VAMP7: variants seen among roughly 807,000 people sequenced by gnomAD.
The protein encoded by VAMP7 is vesicle-associated membrane protein 7.
In VAMP7, 14 loss-of-function variants were observed where a neutral mutation model predicts 29.6. The ratio of observed to expected loss-of-function variants is 0.47; its 90% CI spans 0.31 to 0.74. VAMP7 has a LOEUF of 0.74. VAMP7 is among the 30% of genes least tolerant of loss of function. The probability of loss-of-function intolerance (pLI) is 0.05; values close to 1 mark genes in which losing one functional copy is unlikely to be tolerated. For missense variants in VAMP7, 223 were observed against 262.4 expected (o/e 0.85, Z 1.04); for synonymous variants, 95 against 88.1 (o/e 1.08, Z -0.44).
Position 155,943,345 on chromosome X carries a change from A to G in VAMP7, c.*1394A>G, listed in dbSNP as rs1435438891. Reference sequence around the variant, plus strand: ...TGTGTCCCATAATCTGGCTCATGGTACCTGTTCTTCTATCCAAACCTTTCA... The same window carrying G: ...TGTGTCCCATAATCTGGCTCATGGTGCCTGTTCTTCTATCCAAACCTTTCA... On this transcript the variant is annotated 3_prime_UTR_variant, in exon 8 of 8. Transcript: ENST00000286448. 1 of 152,146 alleles carries G rather than the reference A, an allele frequency of 6.6e-6. No individual in the cohort carries two copies. Among genetic ancestry groups the G allele is most frequent in the Non-Finnish European group, 1.5e-5 (1 of 67,982 alleles). The allele number at this position is 152,146 out of a possible 1,614,324, so 9.4% of individuals were successfully genotyped here. A position where few individuals can be genotyped will look rare whatever the true frequency, so the allele number is the denominator to read the frequency against.
At chrX:155,935,708 G>A in intron 6 of VAMP7, among the ~76,000 whole-genome samples, 1 of 152,284 alleles carries the variant, frequency 6.6e-6, no homozygotes, top group East Asian at 1.9e-4. Context: ...ACTCGTCAAA[G>A]TCATTCTCTG....
chrX:155,908,948 C>T (rs1216981187), intron 5 of VAMP7, among the ~76,000 whole-genome samples: 1 of 151,846 alleles, frequency 6.6e-6, no homozygotes, highest in Admixed American at 6.6e-5. Context: ...GCCTCCCAAG[C>T]AGCTGGGACT....
At position 155,942,295 on chromosome X, in the gene VAMP7, A is replaced by G. The variant is rs946465314; in HGVS notation, c.*344A>G. On this transcript the variant is annotated 3_prime_UTR_variant, in exon 8 of 8. Transcript: ENST00000286448. ...GTCTTATGAGCTATCTACTAAAACTATGGAGAAACTTTGTATGTGCACACA... is the reference window on the plus strand; with the variant it reads ...GTCTTATGAGCTATCTACTAAAACTGTGGAGAAACTTTGTATGTGCACACA... 1.5e-4 allele frequency: 135 copies of G among 910,336 alleles called. No homozygotes were observed. The highest frequency in any genetic ancestry group is 1.2e-4 in the Admixed American group (4 of 34,140). The allele number at this position is 910,336 out of a possible 1,614,324, so 56.4% of individuals were successfully genotyped here.
At chrX:155,938,281 C>T (rs5983836) in intron 6 of VAMP7, among the ~76,000 whole-genome samples, 92,827 of 151,898 alleles carry the variant, frequency 0.61, 28,474 homozygotes, top group East Asian at 0.67. Flanking sequence ...ATATATTTAG[C>T]TCTAGATGTA....
chrX:155,924,841 G>A (rs1011881446), intron 6 of VAMP7, among the ~76,000 whole-genome samples: 3 of 152,154 alleles, frequency 2.0e-5, no homozygotes, highest in African/African-American at 4.8e-5. Context: ...ACTGGCAATA[G>A]AACTTCTTTC....
chrX:155,900,234 G>T (rs929054935), intron 4 of VAMP7, among the ~76,000 whole-genome samples: 2 of 151,462 alleles, frequency 1.3e-5, no homozygotes, highest in African/African-American at 4.9e-5. Context: ...ATGTATATTT[G>T]ATATAATGTT....
At chrX:155,917,208 A>C (rs1382706865) in intron 5 of VAMP7, among the ~76,000 whole-genome samples, 3 of 152,060 alleles carry the variant, frequency 2.0e-5, no homozygotes, top group Non-Finnish European at 4.4e-5. Context: ...CAGTCCCATC[A>C]GGTCATTTAT....
chrX:155,910,640 G>A (rs1278600011), intron 5 of VAMP7, among the ~76,000 whole-genome samples: 4 of 145,664 alleles, frequency 2.7e-5, no homozygotes, highest in African/African-American at 1.0e-4. Flanking sequence ...TATCTTTTTA[G>A]TAACCATTCT....
intron 1 of VAMP7, among the ~76,000 whole-genome samples, chrX:155,885,875 C>T (rs1478287517): frequency 6.6e-6 from 1 of 152,116 alleles, no homozygotes; most frequent in Non-Finnish European, 1.5e-5. Context: ...GACTTTTAAC[C>T]CTCAGAACTG....
intron 5 of VAMP7, among the ~76,000 whole-genome samples, chrX:155,911,869 G>A (rs2066242572): frequency 1.3e-5 from 2 of 151,944 alleles, no homozygotes; most frequent in South Asian, 4.2e-4. Flanking sequence ...TGGAGTCTTT[G>A]GGTCTTTTAG....
In VAMP7 at chrX:155,942,158, C is replaced by A; in HGVS notation, c.*207C>A. 1.3e-6 allele frequency: 2 copies of A among 1,549,962 alleles called. No homozygotes were observed. The highest frequency in any genetic ancestry group is 1.7e-6 in the Non-Finnish European group (2 of 1,145,780). ...CCTGTGAACTTCAGATTGAACCATT[C>A]ATTGCAGCAGTAGCCTTAAAAAGGC... On this transcript the variant is annotated 3_prime_UTR_variant, in exon 8 of 8. Coordinates refer to ENST00000286448, the MANE Select transcript of VAMP7 (RefSeq NM_005638.6).
chrX:155,921,429 A>G (rs764270429), intron 6 of VAMP7, among the ~76,000 whole-genome samples: 42 of 152,212 alleles, frequency 2.8e-4, no homozygotes, highest in African/African-American at 9.9e-4. Context: ...AGACGTAATT[A>G]TGTTTCTGAC....
intron 2 of VAMP7, among the ~76,000 whole-genome samples, chrX:155,893,178 A>T (rs1260973574): frequency 6.6e-6 from 1 of 152,154 alleles, no homozygotes; most frequent in Admixed American, 6.5e-5. Flanking sequence ...AGTCTGGTTT[A>T]GGAGAAACAA....
At chrX:155,897,505 A>T (rs1487904647) in intron 3 of VAMP7, among the ~76,000 whole-genome samples, 1 of 152,212 alleles carries the variant, frequency 6.6e-6, no homozygotes, top group Non-Finnish European at 1.5e-5. Context: ...GTCGAGCCTC[A>T]TATTTCTTGA....
chrX:155,937,775 T>G, intron 6 of VAMP7, among the ~76,000 whole-genome samples: 3 of 152,312 alleles, frequency 2.0e-5, no homozygotes, highest in Admixed American at 2.0e-4. Context: ...TTCTCTCCTG[T>G]GACTGCTAAT....
Position 155,900,517 on chromosome X carries a change from G to C in VAMP7, c.363G>C (p.Lys121Asn). Reference sequence around the variant, plus strand: ...TATAGAAGCATCACTCTGAGAATAAGGGCCTAGACAAAGTGATGGAGACTC... The same window carrying C: ...TATAGAAGCATCACTCTGAGAATAACGGCCTAGACAAAGTGATGGAGACTC... The part of the protein sequence containing the change: ...AAQLKHHSEN[K>N]GLDKVMETQA... Residue 121 changes from lysine to asparagine, a missense_variant, in exon 5 of 8, where the codon AAG (lysine) becomes AAC (asparagine). Coordinates refer to ENST00000286448, the MANE Select transcript of VAMP7 (RefSeq NM_005638.6). The C allele has an allele frequency of 6.2e-7, 1 of 1,610,138 alleles. No homozygotes were observed. Among genetic ancestry groups the C allele is most frequent in the Non-Finnish European group, 8.5e-7 (1 of 1,177,832 alleles).
chrX:155,938,876 G>T (rs141136329), intron 6 of VAMP7, among the ~76,000 whole-genome samples: 2 of 151,906 alleles, frequency 1.3e-5, no homozygotes, highest in African/African-American at 4.8e-5. Context: ...TGCTCAAAAT[G>T]ATGTTTGTGA....
intron 6 of VAMP7, among the ~76,000 whole-genome samples, chrX:155,931,443 G>A (rs751730043): frequency 6.6e-6 from 1 of 152,236 alleles, no homozygotes; most frequent in Admixed American, 6.5e-5. Flanking sequence ...GTTTTGATTT[G>A]CATTTCTCTG....
At chrX:155,904,856 A>G (rs1031663849) in intron 5 of VAMP7, among the ~76,000 whole-genome samples, 5 of 149,940 alleles carry the variant, frequency 3.3e-5, no homozygotes, top group Non-Finnish European at 5.9e-5. Flanking sequence ...TAATGCTGCT[A>G]TGAACATTTG....
Sources: allele counts gnomAD v4.1 joint callset (sites outside exome capture counted in the v4.1 genomes callset), GRCh38; gene constraint gnomAD v4.1.1; transcripts MANE v1.5; gene names NCBI Gene and HGNC (gene_info 2026-07-23, HGNC 2026-07-21).